PTPRT: variants seen among roughly 807,000 people sequenced by gnomAD.
PTPRT encodes the protein protein tyrosine phosphatase receptor type T, also known as receptor-type tyrosine-protein phosphatase T.
In PTPRT, 56 loss-of-function variants were observed where a neutral mutation model predicts 176.8. That is an observed-to-expected ratio of 0.32 (90% confidence interval 0.26 to 0.40). PTPRT has a LOEUF of 0.40. Among genes scored for constraint, PTPRT ranks in the 10% least tolerant of loss-of-function variants. The pLI is 1.00. For synonymous variants in PTPRT, 783 were observed against 739.0 expected (o/e 1.06, Z -0.96); for missense variants, 1,540 against 1,908.2 (o/e 0.81, Z 3.60).
chr20:42,143,647 G>A (rs1195158989), intron 17 of PTPRT, among the ~76,000 whole-genome samples: 2 of 152,086 alleles, frequency 1.3e-5, no homozygotes, highest in African/African-American at 4.8e-5. Context: ...CATATGAGAA[G>A]TGATTATTTG....
Position 42,498,457 on chromosome 20 carries a change from A to G in PTPRT, c.1154-25895T>C, listed in dbSNP as rs143680230. Among the ~76,000 whole-genome samples, 565 of 152,278 alleles carry G rather than the reference A, an allele frequency of 3.7e-3. 4 individuals are homozygous for G. Among genetic ancestry groups the G allele is most frequent in the African/African-American group, 0.013 (534 of 41,568 alleles). ...CAAATTCCAACCTGATTCTAGTGTA[A>G]CATCACATGACAGATAGTGGGTCCT... On this transcript the variant is annotated intron_variant, in intron 7 of 30. Transcript: ENST00000373187.
Position 42,076,307 on chromosome 20 carries a change from A to C in PTPRT, c.*4572T>G, listed in dbSNP as rs1433308528. ...ATGAAGTGTGTCCTCAGACTTGCCC[A>C]CATTAGCAACCATGTGACTCCACTT... On this transcript the variant is annotated 3_prime_UTR_variant, in exon 31 of 31. Coordinates refer to ENST00000373187, the MANE Select transcript of PTPRT (RefSeq NM_007050.6). The C allele has an allele frequency of 1.5e-5, 3 of 202,484 alleles. No individual in the cohort carries two copies. Among genetic ancestry groups the C allele is most frequent in the Admixed American group, 1.2e-4 (2 of 16,640 alleles). The allele number at this position is 202,484 out of a possible 1,614,324, so 12.5% of individuals were successfully genotyped here.
At chr20:42,395,205 G>C (rs148533188) in intron 9 of PTPRT, among the ~76,000 whole-genome samples, 1 of 152,118 alleles carries the variant, frequency 6.6e-6, no homozygotes, top group African/African-American at 2.4e-5. Context: ...ACACCTCCAC[G>C]CTCTCCTCAC....
chr20:42,372,749 C>T (rs763210725), intron 9 of PTPRT, among the ~76,000 whole-genome samples: 6 of 152,132 alleles, frequency 3.9e-5, no homozygotes, highest in Non-Finnish European at 7.3e-5. Context: ...AGGATTAGCG[C>T]CCTTATAAAA....
intron 6 of PTPRT, among the ~76,000 whole-genome samples, chr20:42,724,934 T>A (rs968449663): frequency 1.3e-5 from 2 of 151,992 alleles, no homozygotes; most frequent in Middle Eastern, 3.2e-3. Flanking sequence ...CTTAACTCCA[T>A]CATACCAGCA....
intron 2 of PTPRT, among the ~76,000 whole-genome samples, chr20:42,798,466 A>G (rs1039493371): frequency 6.6e-6 from 1 of 152,302 alleles, no homozygotes; most frequent in African/African-American, 2.4e-5. Context: ...TGCAAACATA[A>G]CAATAGACCA....
intron 7 of PTPRT, among the ~76,000 whole-genome samples, chr20:42,656,999 T>TC (rs895085890): frequency 2.6e-5 from 4 of 152,054 alleles, no homozygotes; most frequent in Admixed American, 6.6e-5. Context: ...GTTCCCATAA[T>TC]CCCCATGTGT....
rs117495491 is a variant in PTPRT at position 42,316,612 on chromosome 20, C to T, written c.1866-616G>A. ...CATTGTCCAAATTATACAATCTGAA[C>T]TCCTAATCTTGGCATTTGAAGTCCT... On this transcript the variant is annotated intron_variant, in intron 11 of 30. Transcript: ENST00000373187. Among the ~76,000 whole-genome samples the T allele has an allele frequency of 5.5e-3, 838 of 152,316 alleles. 3 individuals are homozygous for T. Among genetic ancestry groups the T allele is most frequent in the Middle Eastern group, 0.01 (3 of 294 alleles).
intron 1 of PTPRT, among the ~76,000 whole-genome samples, chr20:43,013,367 A>T (rs1600647643): frequency 6.6e-6 from 1 of 152,170 alleles, no homozygotes; most frequent in Non-Finnish European, 1.5e-5. Flanking sequence ...ACAACAAGCA[A>T]CCAGCAAACC....
At chr20:42,565,946 C>T (rs2073032493) in intron 7 of PTPRT, among the ~76,000 whole-genome samples, 3 of 152,064 alleles carry the variant, frequency 2.0e-5, no homozygotes, top group Admixed American at 1.3e-4. Flanking sequence ...GCAGAGACGA[C>T]TTGCTCTCTC....
intron 8 of PTPRT, among the ~76,000 whole-genome samples, chr20:42,455,656 A>G (rs2070909674): frequency 6.6e-6 from 1 of 152,176 alleles, no homozygotes; most frequent in African/African-American, 2.4e-5. Flanking sequence ...AATTTTAATT[A>G]TTTCTCCTCA....
rs1400066941 is a variant in PTPRT, at chr20:42,106,881, T to C, written c.3295A>G (p.Thr1099Ala). The C allele has an allele frequency of 1.7e-5, 27 of 1,613,988 alleles. No homozygotes were observed. The highest frequency in any genetic ancestry group is 1.9e-5 in the Non-Finnish European group (22 of 1,180,026). The change falls in exon 24 of 31, where the codon ACC becomes GCC. Residue 1099 changes from threonine to alanine, a missense_variant. Coordinates refer to ENST00000373187, the MANE Select transcript of PTPRT (RefSeq NM_007050.6). Reference protein sequence around the residue: ...GRTGCFIAIDTMLDMAENEGV... With the variant: ...GRTGCFIAIDAMLDMAENEGV... The stretch of plus-strand genomic sequence containing the variant: ...TCATTCTCGGCCATGTCAAGCATGG[T>C]GTCAATGGCAATGAAGCAGCCAGTC...
chr20:42,895,139 T>A (rs1296337272), intron 1 of PTPRT, among the ~76,000 whole-genome samples: 1 of 152,246 alleles, frequency 6.6e-6, no homozygotes, highest in Non-Finnish European at 1.5e-5. Flanking sequence ...ATTAGCCTGC[T>A]AGGGCTGCTG....
intron 13 of PTPRT, among the ~76,000 whole-genome samples, chr20:42,276,777 G>C (rs751162895): frequency 6.6e-6 from 1 of 151,464 alleles, no homozygotes; most frequent in Non-Finnish European, 1.5e-5. Context: ...GTATCAATGG[G>C]AGTAGGCATT....
chr20:42,483,827 G>T (rs1366632665), intron 7 of PTPRT, among the ~76,000 whole-genome samples: 2 of 152,224 alleles, frequency 1.3e-5, no homozygotes, highest in Non-Finnish European at 2.9e-5. Context: ...CGGTGCTAAG[G>T]CTAGGATGGC....
intron 1 of PTPRT, among the ~76,000 whole-genome samples, chr20:42,915,010 A>C (rs1568677948): frequency 1.3e-5 from 2 of 152,184 alleles, no homozygotes; most frequent in Non-Finnish European, 2.9e-5. Context: ...GGCCTACTTC[A>C]TAAATATGCT....
chr20:43,032,042 G>GGCACCAC (rs1223390975), intron 1 of PTPRT, among the ~76,000 whole-genome samples: 1 of 152,142 alleles, frequency 6.6e-6, no homozygotes, highest in Non-Finnish European at 1.5e-5. Flanking sequence ...AATCATCACA[G>GGCACCAC]GCACCACGCA....
chr20:42,875,258 G>C (rs1568652156), intron 2 of PTPRT, among the ~76,000 whole-genome samples: 1 of 152,284 alleles, frequency 6.6e-6, no homozygotes, highest in East Asian at 1.9e-4. Context: ...GCCATTGTTA[G>C]GACATTGTTA....
intron 1 of PTPRT, among the ~76,000 whole-genome samples, chr20:42,946,203 A>G (rs1980873806): frequency 6.6e-6 from 1 of 152,072 alleles, no homozygotes; most frequent in South Asian, 2.1e-4. Flanking sequence ...GCACCTGGAA[A>G]TTTTCTCCTT....
Sources: gnomAD v4.1 joint callset for allele counts (sites outside exome capture counted in the v4.1 genomes callset) on GRCh38, gnomAD v4.1.1 for gene constraint, MANE v1.5 for transcripts, NCBI Gene and HGNC (gene_info 2026-07-23, HGNC 2026-07-21) for gene names.